PDE3B: variants seen among roughly 807,000 people sequenced by gnomAD.
The protein encoded by PDE3B is phosphodiesterase 3B, also known as cGMP-inhibited 3',5'-cyclic phosphodiesterase 3B.
A neutral mutation model predicts 116.8 loss-of-function variants in PDE3B; 66 were observed. The observed-to-expected ratio is 0.56, with a 90% CI of 0.46 to 0.69. The LOEUF (loss-of-function observed/expected upper bound fraction) is 0.69, where lower values mean the gene tolerates loss of function less well. PDE3B is among the 30% of genes least tolerant of loss of function. The pLI is 0.00. For missense variants in PDE3B, 1,384 were observed against 1,368.1 expected, an observed-to-expected ratio of 1.01 and a Z score of -0.18; for synonymous variants, 595 against 533.6, an observed-to-expected ratio of 1.12 and a Z score of -1.59.
chr11:14,773,247 A>G (rs558108941), intron 2 of PDE3B: 107 of 152,166 alleles, frequency 7.0e-4, no homozygotes, highest in African/African-American at 2.6e-3. Context: ...TATTCTACTA[A>G]TGTGGTGAAT....
chr11:14,845,180 C>T (rs1590188892), intron 12 of PDE3B, among the ~76,000 whole-genome samples: 4 of 151,922 alleles, frequency 2.6e-5, no homozygotes, highest in African/African-American at 7.3e-5. Context: ...TCACGGTTCA[C>T]GAAAATCTGC....
chr11:14,822,279 C>A (rs1859542648), intron 7 of PDE3B, among the ~76,000 whole-genome samples: 1 of 152,074 alleles, frequency 6.6e-6, no homozygotes, highest in Non-Finnish European at 1.5e-5. Context: ...ATAATCAGCA[C>A]CCAGATCCAG....
chr11:14,890,800 G>A, the PDE3B span: 5 of 897,462 alleles, frequency 5.6e-6, no homozygotes, highest in Non-Finnish European at 6.7e-6. Flanking sequence ...CGCCCGCCTC[G>A]GCCTCCTAAA....
At chr11:14,661,505 A>T (rs936861797) in intron 1 of PDE3B, among the ~76,000 whole-genome samples, 6 of 152,224 alleles carry the variant, frequency 3.9e-5, no homozygotes, top group African/African-American at 1.4e-4. Flanking sequence ...AGGGTGAGGC[A>T]TTGCCTCACT....
intron 1 of PDE3B, among the ~76,000 whole-genome samples, chr11:14,722,330 G>T (rs889407612): frequency 2.0e-5 from 3 of 151,674 alleles, no homozygotes; most frequent in African/African-American, 4.8e-5. Flanking sequence ...AAGAAAAGGG[G>T]AAAAATCTAG....
chr11:14,815,623 A>G (rs2350240), intron 5 of PDE3B, among the ~76,000 whole-genome samples: 1 of 152,184 alleles, frequency 6.6e-6, no homozygotes, highest in Non-Finnish European at 1.5e-5. Context: ...GATGGAATTC[A>G]TAATGAAACA....
intron 1 of PDE3B, among the ~76,000 whole-genome samples, chr11:14,742,329 A>G (rs1482706267): frequency 6.6e-6 from 1 of 151,968 alleles, no homozygotes; most frequent in African/African-American, 2.4e-5. Flanking sequence ...TTATTTCATC[A>G]AGTTGATCTT....
intron 2 of PDE3B, among the ~76,000 whole-genome samples, chr11:14,779,792 T>A (rs1369952746): frequency 6.6e-6 from 1 of 152,112 alleles, no homozygotes; most frequent in Non-Finnish European, 1.5e-5. Flanking sequence ...AACATCATAA[T>A]GACAGGATCA....
At chr11:14,880,373 C>T in the PDE3B span, 1 of 1,613,364 alleles carries the variant, frequency 6.2e-7, no homozygotes, top group Non-Finnish European at 8.5e-7. Flanking sequence ...GAGAGAAAAT[C>T]ATAGACTACA....
At chr11:14,897,312 A>G in the PDE3B span, among the ~76,000 whole-genome samples, 6 of 152,274 alleles carry the variant, frequency 3.9e-5, no homozygotes, top group South Asian at 1.0e-3. Context: ...GATGATGATG[A>G]AGGAGGCCTC....
At chr11:14,651,442 A>G (rs1853573420) in intron 1 of PDE3B, among the ~76,000 whole-genome samples, 1 of 152,196 alleles carries the variant, frequency 6.6e-6, no homozygotes, top group African/African-American at 2.4e-5. Flanking sequence ...AATTCAGCCC[A>G]TGTAGGTAGA....
At chr11:14,738,872 T>C (rs1856676652) in intron 1 of PDE3B, among the ~76,000 whole-genome samples, 1 of 152,204 alleles carries the variant, frequency 6.6e-6, no homozygotes, top group African/African-American at 2.4e-5. Flanking sequence ...CTTTCCCCAT[T>C]GCTTGTTTTT....
intron 1 of PDE3B, among the ~76,000 whole-genome samples, chr11:14,655,952 A>T (rs1411486874): frequency 2.0e-5 from 3 of 152,154 alleles, no homozygotes; most frequent in African/African-American, 7.2e-5. Context: ...TCAGTGGAAG[A>T]TGTTGGAAGA....
At chr11:14,732,742 G>T (rs541167407) in intron 1 of PDE3B, among the ~76,000 whole-genome samples, 1 of 152,062 alleles carries the variant, frequency 6.6e-6, no homozygotes. Context: ...CAGAACCCAC[G>T]TATACAAGTT....
chr11:14,793,004 C>T (rs1858438906), intron 4 of PDE3B, among the ~76,000 whole-genome samples: 1 of 152,084 alleles, frequency 6.6e-6, no homozygotes, highest in South Asian at 2.1e-4. Context: ...GTAAAGAGTT[C>T]GAGATTGCAT....
chr11:14,759,018 G>C (rs565416982), intron 1 of PDE3B, among the ~76,000 whole-genome samples: 29 of 152,144 alleles, frequency 1.9e-4, no homozygotes, highest in African/African-American at 6.7e-4. Context: ...TGCATCTATT[G>C]AGATAGTCAT....
At chr11:14,659,781 A>T (rs552743752) in intron 1 of PDE3B, among the ~76,000 whole-genome samples, 13 of 152,174 alleles carry the variant, frequency 8.5e-5, no homozygotes, top group Non-Finnish European at 1.8e-4. Context: ...ATTCAAACAC[A>T]TTTTTGCTGT....
At chr11:14,839,741 C>A (rs1019475369) in intron 11 of PDE3B, among the ~76,000 whole-genome samples, 3 of 152,162 alleles carry the variant, frequency 2.0e-5, no homozygotes, top group African/African-American at 7.2e-5. Context: ...ATAATCTAGT[C>A]TGTTCCCGTA....
intron 4 of PDE3B, among the ~76,000 whole-genome samples, chr11:14,802,616 C>A (rs1226168053): frequency 6.6e-6 from 1 of 152,178 alleles, no homozygotes; most frequent in East Asian, 1.9e-4. Context: ...TGGGAACACA[C>A]ACATTTTTCT....
Sources: gnomAD v4.1 joint callset for allele counts (sites outside exome capture counted in the v4.1 genomes callset) on GRCh38, gnomAD v4.1.1 for gene constraint, MANE v1.5 for transcripts, NCBI Gene and HGNC (gene_info 2026-07-23, HGNC 2026-07-21) for gene names.